CASC3: variants seen among roughly 807,000 people sequenced by gnomAD.
CASC3 encodes the protein CASC3 exon junction complex subunit.
CASC3 carries 30 observed loss-of-function variants against 80.5 expected under a neutral mutation model. The observed-to-expected ratio is 0.37, with a 90% CI of 0.28 to 0.51. The LOEUF (loss-of-function observed/expected upper bound fraction) is 0.51. Among genes scored for constraint, CASC3 ranks in the 20% least tolerant of loss-of-function variants. CASC3 has a pLI of 0.94. For missense variants in CASC3, 824 were observed against 922.2 expected, an observed-to-expected ratio of 0.89 and a Z score of 1.38; for synonymous variants, 312 against 333.6, an observed-to-expected ratio of 0.94 and a Z score of 0.70.
At chr17:40,159,191 C>G (rs900767408) in intron 3 of CASC3, among the ~76,000 whole-genome samples, 1 of 152,038 alleles carries the variant, frequency 6.6e-6, no homozygotes, top group Non-Finnish European at 1.5e-5. Flanking sequence ...CAGTTGAGAT[C>G]ACACCACTGC....
chr17:40,163,647 G>A lies in CASC3; in HGVS notation c.952G>A (p.Gly318Ser), dbSNP rs762300441. ...ACCCAGGAATTATTCTCGATCTGGG[G>A]GCTTCAAGGAAGGTCGTGCTGGTTT... The part of the protein sequence containing the change: ...SAPRNYSRSG[G>S]FKEGRAGFRP... The change falls in exon 7 of 14, where the codon GGC (glycine) becomes AGC (serine). Residue 318 changes from glycine to serine, a missense_variant. Physicochemically the swap from Gly to Ser is moderately conservative, Grantham distance 56. Transcript: ENST00000264645. 18 of 1,614,018 alleles carry A rather than the reference G, an allele frequency of 1.1e-5. No individual in the cohort carries two copies. In the East Asian group the frequency reaches 3.6e-4, roughly 32 times the overall value.
intron 4 of CASC3, 34 bp downstream of exon 4, chr17:40,161,945 C>G (rs749791660): frequency 1.2e-6 from 2 of 1,612,946 alleles, no homozygotes; most frequent in Admixed American, 1.7e-5. Context: ...ATTTTAGAGG[C>G]TGGAATAGAG....
At position 40,171,439 on chromosome 17, in the gene CASC3, ATAT is replaced by A. The variant is rs1409733760; in HGVS notation, c.*1038_*1040del. ...GACCAATGCATCTCTTTAAAGGCAA[ATAT>A]TATCCAGCAAGCAGTCTACCCTGTC... On this transcript the variant is annotated 3_prime_UTR_variant, in exon 14 of 14. Transcript: ENST00000264645. The A allele has an allele frequency of 3.0e-6, 3 of 986,084 alleles. No homozygotes were observed. Among genetic ancestry groups the A allele is most frequent in the Non-Finnish European group, 2.4e-6 (2 of 830,116 alleles). The allele number at this position is 986,084 out of a possible 1,614,324, so 61.1% of individuals were successfully genotyped here.
rs752403260 is a variant in CASC3, at chr17:40,167,845, T to TA, written c.1652-4dup. The TA allele has an allele frequency of 1.9e-6, 3 of 1,612,096 alleles. No individual in the cohort carries two copies. Among genetic ancestry groups the TA allele is most frequent in the Non-Finnish European group, 2.5e-6 (3 of 1,178,120 alleles). ...TTATGAGAGTCCCAATGTGATATCT[T>TA]ACAGTGCAGTTCCAGGGACCAATCT... is the stretch of plus-strand genomic sequence containing the variant. On this transcript the variant is annotated splice_polypyrimidine_tract_variant and splice_region_variant and intron_variant, in intron 9 of 13. Coordinates refer to ENST00000264645, the MANE Select transcript of CASC3 (RefSeq NM_007359.5).
rs776986603 is a variant in CASC3, at chr17:40,163,777, A to G, written c.1082A>G (p.Asp361Gly). The G allele has an allele frequency of 6.2e-7, 1 of 1,614,098 alleles. No homozygotes were observed. Among genetic ancestry groups the G allele is most frequent in the South Asian group, 1.1e-5 (1 of 91,080 alleles). The change falls in exon 7 of 14, where the codon GAT becomes GGT. Residue 361 changes from aspartate (D) to glycine (G), a missense_variant. Physicochemically the swap from Asp to Gly is moderately conservative, Grantham distance 94 (BLOSUM62 -1). Coordinates refer to ENST00000264645, the MANE Select transcript of CASC3 (RefSeq NM_007359.5). ...CGCCTAGAGCAGACTTCTGTGAGGGATCCATCTCCAGAAGCAGATGCTCCA... is the reference window on the plus strand; with the variant it reads ...CGCCTAGAGCAGACTTCTGTGAGGGGTCCATCTCCAGAAGCAGATGCTCCA... ...SRRLEQTSVR[D>G]PSPEADAPVL...
At chr17:40,143,314 C>T (rs928881933) in intron 3 of CASC3, among the ~76,000 whole-genome samples, 3 of 151,442 alleles carry the variant, frequency 2.0e-5, no homozygotes, top group South Asian at 2.1e-4. Flanking sequence ...CTCATGGTCC[C>T]GCATGCCTGT....
At chr17:40,151,748 G>A (rs914189740) in intron 3 of CASC3, among the ~76,000 whole-genome samples, 3 of 149,216 alleles carry the variant, frequency 2.0e-5, no homozygotes, top group Admixed American at 1.3e-4. Context: ...CATCCTTCCC[G>A]TAGCCTCAAG....
intron 7 of CASC3, among the ~76,000 whole-genome samples, chr17:40,166,015 C>T (rs888433991): frequency 1.3e-5 from 2 of 152,150 alleles, no homozygotes; most frequent in African/African-American, 2.4e-5. Flanking sequence ...GCAGTCTTAC[C>T]TCTGCCACCC....
intron 8 of CASC3, 44 bp downstream of exon 8, chr17:40,166,905 T>TAA: frequency 7.2e-7 from 1 of 1,380,286 alleles, no homozygotes; most frequent in South Asian, 1.3e-5. Flanking sequence ...AGCTGCCTGT[T>TAA]ACACAGCTTG....
intron 3 of CASC3, among the ~76,000 whole-genome samples, chr17:40,150,795 G>C (rs779665678): frequency 1.2e-4 from 19 of 152,094 alleles, no homozygotes; most frequent in Non-Finnish European, 2.6e-4. Context: ...GGCAGATCAC[G>C]AGGTCAGGAG....
At chr17:40,165,430 C>G (rs1019570282) in intron 7 of CASC3, among the ~76,000 whole-genome samples, 1 of 152,152 alleles carries the variant, frequency 6.6e-6, no homozygotes, top group Non-Finnish European at 1.5e-5. Flanking sequence ...TAATCTTGAA[C>G]TCCTGGGCTC....
chr17:40,153,508 A>T (rs1198721051), intron 3 of CASC3, among the ~76,000 whole-genome samples: 1 of 152,156 alleles, frequency 6.6e-6, no homozygotes, highest in East Asian at 1.9e-4. Flanking sequence ...CTTTTTGACT[A>T]TGTACCTAGG....
intron 7 of CASC3, among the ~76,000 whole-genome samples, chr17:40,164,670 C>T (rs568392828): frequency 1.3e-5 from 2 of 150,160 alleles, no homozygotes; most frequent in African/African-American, 2.5e-5. Flanking sequence ...TGGTCTTGAT[C>T]TCTTGACCTT....
chr17:40,157,362 TAAATA>T (rs1567680543), intron 3 of CASC3, among the ~76,000 whole-genome samples: 39 of 147,364 alleles, frequency 2.6e-4, no homozygotes, highest in Non-Finnish European at 3.7e-4. Flanking sequence ...AATAAATAAA[TAAATA>T]AATTAATTAA....
intron 13 of CASC3, among the ~76,000 whole-genome samples, chr17:40,170,011 C>T (rs980139109): frequency 3.3e-5 from 5 of 152,034 alleles, no homozygotes; most frequent in South Asian, 4.1e-4. Context: ...CTGCCTTGGC[C>T]TCCCAAAGTG....
rs367950519 is a variant in CASC3 at position 40,150,957 on chromosome 17, G to A, written c.297+9350G>A. The stretch of plus-strand genomic sequence containing the variant: ...GAACCCGGGAGGTGGAGCTTGCAGT[G>A]AGCCGAGATCACGCCACTGCACTCC... On this transcript the variant is annotated intron_variant, in intron 3 of 13. Coordinates refer to ENST00000264645, the MANE Select transcript of CASC3 (RefSeq NM_007359.5). Among the ~76,000 whole-genome samples, 140 of 152,088 alleles carry A rather than the reference G, an allele frequency of 9.2e-4. No homozygotes were observed. The Middle Eastern group carries it at 0.034, about 37-fold the overall frequency.
intron 3 of CASC3, among the ~76,000 whole-genome samples, chr17:40,143,458 A>C (rs1988775166): frequency 6.6e-6 from 1 of 152,170 alleles, no homozygotes; most frequent in Non-Finnish European, 1.5e-5. Context: ...GAAAATTTAA[A>C]AAATAAAAAT....
intron 1 of CASC3, 59 bp downstream of exon 1, chr17:40,140,838 G>A: frequency 1.9e-6 from 2 of 1,065,558 alleles, no homozygotes. Context: ...CGGGGGCGGG[G>A]TGTAGGTGAT....
chr17:40,170,352 T>G, intron 13 of CASC3, 95 bp from the exon 14 acceptor site: 4 of 824,664 alleles, frequency 4.9e-6, no homozygotes, highest in Non-Finnish European at 5.9e-6. Flanking sequence ...TTAAAACACA[T>G]TATTTAGAAG....
Sources: gnomAD v4.1 joint callset for allele counts (sites outside exome capture counted in the v4.1 genomes callset) on GRCh38, gnomAD v4.1.1 for gene constraint, MANE v1.5 for transcripts, NCBI Gene and HGNC (gene_info 2026-07-23, HGNC 2026-07-21) for gene names.